The following IDH3A variants were observed in gnomAD, a reference collection of about 807,000 sequenced individuals.
The protein encoded by IDH3A is isocitrate dehydrogenase (NAD(+)) 3 catalytic subunit alpha.
In IDH3A, 23 loss-of-function variants were observed where a neutral mutation model predicts 43.3. That is an observed-to-expected ratio of 0.53 (90% CI 0.38 to 0.75). The LOEUF (loss-of-function observed/expected upper bound fraction) is 0.75, where lower values mean the gene tolerates loss of function less well. IDH3A is among the 30% of genes least tolerant of loss of function. The pLI is 0.00. For synonymous variants in IDH3A, 154 were observed against 163.5 expected, an observed-to-expected ratio of 0.94 and a Z score of 0.44; for missense variants, 329 against 474.4, an observed-to-expected ratio of 0.69 and a Z score of 2.85.
At chr15:78,157,828 T>C (rs12438666) in intron 3 of IDH3A, among the ~76,000 whole-genome samples, 197 bp downstream of exon 3, 64,504 of 150,934 alleles carry the variant, frequency 0.43, 13,852 homozygotes, top group Middle Eastern at 0.49. Flanking sequence ...TTCTTTCTTT[T>C]TTTTTTTTTT....
Position 78,171,455 on chromosome 15 carries a change from G to C in IDH3A, c.*2450G>C, listed in dbSNP as rs2074820854. 7 of 1,613,432 alleles carry C rather than the reference G, an allele frequency of 4.3e-6. No homozygotes were observed. Among genetic ancestry groups the C allele is most frequent in the Non-Finnish European group, 5.1e-6 (6 of 1,179,672 alleles). ...GGCATAGGCCCTGATTACATTTTTT[G>C]CTCTTGGTAAAAGGAGTCAATGATA... On this transcript the variant is annotated 3_prime_UTR_variant, in exon 11 of 11. Coordinates refer to ENST00000299518, the MANE Select transcript of IDH3A (RefSeq NM_005530.3).
At chr15:78,152,161 C>T (rs949599159) in intron 1 of IDH3A, among the ~76,000 whole-genome samples, 28 of 140,380 alleles carry the variant, frequency 2.0e-4, no homozygotes, top group African/African-American at 6.7e-4. Flanking sequence ...TGGGTTCAAG[C>T]GATTCTCCTG....
Position 78,162,383 on chromosome 15 carries a change from G to A in IDH3A, c.611+16G>A, listed in dbSNP as rs1207179634. The A allele has an allele frequency of 3.7e-6, 6 of 1,611,694 alleles. No homozygotes were observed. The highest frequency in any genetic ancestry group is 1.1e-5 in the South Asian group (1 of 90,980). ...CCAACATCATGTGAGCTCCTTGCGG[G>A]GGCCGGCACCCCATCTTGCTTTGTT... On this transcript the variant is annotated intron_variant, in intron 6 of 10. Coordinates refer to ENST00000299518, the MANE Select transcript of IDH3A (RefSeq NM_005530.3).
At chr15:78,150,444 T>A (rs2074564535) in intron 1 of IDH3A, among the ~76,000 whole-genome samples, 1 of 152,172 alleles carries the variant, frequency 6.6e-6, no homozygotes. Context: ...AGTTTGATAC[T>A]ACTTTTCTCC....
chr15:78,157,703 A>T lies in IDH3A; in HGVS notation c.174+72A>T, dbSNP rs918971281. 5.0e-6 allele frequency: 5 copies of T among 996,496 alleles called. No homozygotes were observed. The African/African-American group carries it at 8.1e-5, about 16-fold the overall frequency. The allele number at this position is 996,496 out of a possible 1,614,324, so 61.7% of individuals were successfully genotyped here. On this transcript the variant is annotated intron_variant, in intron 3 of 10. Transcript: ENST00000299518. ...TTTCTTAGCCAGTTGGATTCTGTGA[A>T]CTTTTAGGATGCATTGTACCCATTT...
Position 78,171,567 on chromosome 15 carries a change from C to A in IDH3A, c.*2562C>A. The A allele has an allele frequency of 2.0e-6, 3 of 1,493,558 alleles. No individual in the cohort carries two copies. Among genetic ancestry groups the A allele is most frequent in the Non-Finnish European group, 1.9e-6 (2 of 1,070,798 alleles). The allele number at this position is 1,493,558 out of a possible 1,614,324, so 92.5% of individuals were successfully genotyped here. ...TGAGAAGAAATGAGTGAGGCCCAGG[C>A]TCTGAGAACTCTGAGAATGTGTGTG... On this transcript the variant is annotated 3_prime_UTR_variant, in exon 11 of 11. Transcript: ENST00000299518.
In IDH3A at chr15:78,169,543, A is replaced by G. The variant is rs2141309203; in HGVS notation, c.*538A>G. 6.6e-6 allele frequency: 1 copy of G among 152,376 alleles called. No homozygotes were observed. Among genetic ancestry groups the G allele is most frequent in the South Asian group, 2.1e-4 (1 of 4,832 alleles). The allele number at this position is 152,376 out of a possible 1,614,324, so 9.4% of individuals were successfully genotyped here. A position where few individuals can be genotyped will look rare whatever the true frequency, so the allele number is the denominator to read the frequency against. ...GTGGTATATTTCTAAATGATATGGA[A>G]AATAGAGACAGATTTGTCCTTTACA... is the stretch of plus-strand genomic sequence containing the variant. On this transcript the variant is annotated 3_prime_UTR_variant, in exon 11 of 11. Coordinates refer to ENST00000299518, the MANE Select transcript of IDH3A (RefSeq NM_005530.3).
chr15:78,162,114 G>C (rs1192447861), intron 5 of IDH3A, 120 bp from the exon 6 acceptor site: 1 of 984,242 alleles, frequency 1.0e-6, no homozygotes, highest in South Asian at 1.5e-5. Flanking sequence ...TGTGTGATTA[G>C]TCATGCTAGC....
chr15:78,162,805 C>CA (rs895300161), intron 6 of IDH3A, among the ~76,000 whole-genome samples: 4 of 152,164 alleles, frequency 2.6e-5, no homozygotes, highest in African/African-American at 9.7e-5. Context: ...CTTGGGCTCC[C>CA]AAAGTGCTAG....
chr15:78,149,390 C>A lies in IDH3A; in HGVS notation c.-14C>A. 2 of 1,542,798 alleles carry A rather than the reference C, an allele frequency of 1.3e-6. No homozygotes were observed. Among genetic ancestry groups the A allele is most frequent in the Non-Finnish European group, 8.7e-7 (1 of 1,151,854 alleles). ...GCCGCTGCGGCTGTTGCTGCGGAGC[C>A]AGGAGGGGAAGCGATGGCTGGGCCC... On this transcript the variant is annotated 5_prime_UTR_variant, in exon 1 of 11. Transcript: ENST00000299518.
Position 78,166,379 on chromosome 15 carries a change from T to C in IDH3A, c.1017+77T>C, listed in dbSNP as rs1426610919. The C allele has an allele frequency of 5.6e-5, 80 of 1,431,664 alleles. No individual in the cohort carries two copies. The Middle Eastern group carries it at 2.8e-3, about 50-fold the overall frequency. 88.7% of individuals were successfully genotyped at this position (1,431,664 alleles called of 1,614,324 possible). ...TGTTTTATCTGAGTGAAAGGGACAG[T>C]GACAGATAATAGTTCTCAGGCGGGC... On this transcript the variant is annotated intron_variant, in intron 10 of 10. Transcript: ENST00000299518.
chr15:78,161,120 G>C lies in IDH3A; in HGVS notation c.290-461G>C, dbSNP rs1218941570. On this transcript the variant is annotated intron_variant, in intron 4 of 10. Coordinates refer to ENST00000299518, the MANE Select transcript of IDH3A (RefSeq NM_005530.3). This position sits in a 1 kb window ranked among gnomAD's most constrained non-coding sequence, Gnocchi z 4.8. ...TGGTCTTGGACTCCTGACCTCAAGC[G>C]ATCCGCCTGCCTTGGCCTCCCAAAG... 6.6e-6 allele frequency among the ~76,000 whole-genome samples: 1 copy of C among 151,118 alleles called. No homozygotes were observed.
intron 1 of IDH3A, among the ~76,000 whole-genome samples, chr15:78,152,652 A>G (rs183665407): frequency 2.0e-5 from 3 of 152,040 alleles, no homozygotes; most frequent in Non-Finnish European, 4.4e-5. Flanking sequence ...GAGCCACCGC[A>G]TCCGGCCTCA....
chr15:78,163,697 AC>A lies in IDH3A; in HGVS notation c.715-18del. The A allele has an allele frequency of 6.2e-7, 1 of 1,607,864 alleles. No homozygotes were observed. Among genetic ancestry groups the A allele is most frequent in the Non-Finnish European group, 8.5e-7 (1 of 1,174,438 alleles). ...GATGCAGATTTTGATTACTAAATGC[AC>A]AAATGTATTCCTTGTAGATGGTACA... On this transcript the variant is annotated intron_variant, in intron 7 of 10. Transcript: ENST00000299518.
rs2074821768 is a variant in IDH3A at position 78,171,512 on chromosome 15, T to G, written c.*2507T>G. ...TACTTCTCCAAAACTGTGAGCCGTT[T>G]CAGTTTCATCGTGGGACCTAAAAGG... On this transcript the variant is annotated 3_prime_UTR_variant, in exon 11 of 11. Coordinates refer to ENST00000299518, the MANE Select transcript of IDH3A (RefSeq NM_005530.3). 2 of 1,614,050 alleles carry G rather than the reference T, an allele frequency of 1.2e-6. No homozygotes were observed. The highest frequency in any genetic ancestry group is 1.7e-6 in the Non-Finnish European group (2 of 1,179,984).
intron 3 of IDH3A, among the ~76,000 whole-genome samples, chr15:78,158,527 A>T (rs2074649108): frequency 8.0e-6 from 1 of 124,274 alleles, no homozygotes; most frequent in Non-Finnish European, 1.6e-5. Flanking sequence ...CCCAGGCTGA[A>T]GTGCGATGGA....
At chr15:78,165,850 G>A (rs935992894) in intron 9 of IDH3A, among the ~76,000 whole-genome samples, 1 of 151,950 alleles carries the variant, frequency 6.6e-6, no homozygotes, top group East Asian at 1.9e-4. Context: ...CACCATGCCT[G>A]GCTAATTGCT....
At chr15:78,165,681 C>CTTTATTTATTTATTTA (rs3972619) in intron 9 of IDH3A, among the ~76,000 whole-genome samples, 61 of 150,038 alleles carry the variant, frequency 4.1e-4, no homozygotes, top group African/African-American at 1.2e-3. Context: ...TTCTCCAAGT[C>CTTTATTTATTTATTTA]TTTATTTATT....
chr15:78,149,914 C>T (rs917672972), intron 1 of IDH3A, among the ~76,000 whole-genome samples: 1 of 152,280 alleles, frequency 6.6e-6, no homozygotes, highest in Non-Finnish European at 1.5e-5. Context: ...GCCACGGGCA[C>T]TGGCGTTGAG....
Sources: gnomAD v4.1 joint callset for allele counts (sites outside exome capture counted in the v4.1 genomes callset) on GRCh38, gnomAD v4.1.1 for gene constraint, Gnocchi (gnomAD v3.1) non-coding constraint, MANE v1.5 for transcripts, NCBI Gene and HGNC (gene_info 2026-07-23, HGNC 2026-07-21) for gene names.